Variants in PLEKHM3 observed in about 807,000 individuals in gnomAD.
PLEKHM3 encodes pleckstrin homology domain-containing family M member 3.
A neutral mutation model predicts 81.8 loss-of-function variants in PLEKHM3; 45 were observed. The observed-to-expected ratio is 0.55, with a 90% CI of 0.43 to 0.71. PLEKHM3 has a LOEUF of 0.71. PLEKHM3 is among the 30% of genes least tolerant of loss of function. PLEKHM3 has a pLI of 0.00. For synonymous variants in PLEKHM3, 352 were observed against 356.4 expected, an observed-to-expected ratio of 0.99 and a Z score of 0.14; for missense variants, 788 against 924.3, an observed-to-expected ratio of 0.85 and a Z score of 1.91.
chr2:207,831,684 C>T (rs747807837), intron 7 of PLEKHM3, among the ~76,000 whole-genome samples: 6 of 152,190 alleles, frequency 3.9e-5, no homozygotes, highest in Admixed American at 2.0e-4. Context: ...TTGACACAGG[C>T]GCTATCCTGG....
chr2:207,985,802 C>G (rs1691696254), intron 2 of PLEKHM3, among the ~76,000 whole-genome samples: 1 of 151,920 alleles, frequency 6.6e-6, no homozygotes, highest in African/African-American at 2.4e-5. Flanking sequence ...CTGGCTAACA[C>G]AGTGAAACCC....
rs1183870238 is a variant in PLEKHM3 at position 207,843,320 on chromosome 2, C to A, written c.2109-14824G>T. Among the ~76,000 whole-genome samples the A allele has an allele frequency of 6.6e-6, 1 of 152,128 alleles. No homozygotes were observed. Among genetic ancestry groups the A allele is most frequent in the Non-Finnish European group, 1.5e-5 (1 of 68,020 alleles). ...GCCTGAGCCACCTCCCCAGACCCCT[C>A]TCTGAGAAAAAGTGAGGTAACAAAC... On this transcript the variant is annotated intron_variant, in intron 7 of 7. Coordinates refer to ENST00000427836, the MANE Select transcript of PLEKHM3 (RefSeq NM_001080475.3). The surrounding 1 kb of genome is among the most constrained non-coding windows in gnomAD (Gnocchi z 4.4).
chr2:207,942,855 G>A (rs1176729880), intron 4 of PLEKHM3, among the ~76,000 whole-genome samples: 1 of 152,108 alleles, frequency 6.6e-6, no homozygotes, highest in Non-Finnish European at 1.5e-5. Flanking sequence ...AGCCGAGATT[G>A]CACCACTGAA....
intron 7 of PLEKHM3, among the ~76,000 whole-genome samples, chr2:207,839,412 C>G (rs887875517): frequency 6.6e-6 from 1 of 152,120 alleles, no homozygotes. Flanking sequence ...GAATAAGTTA[C>G]TGGTTATTGA....
At chr2:207,902,472 T>C (rs1199813104) in intron 6 of PLEKHM3, among the ~76,000 whole-genome samples, 1 of 152,196 alleles carries the variant, frequency 6.6e-6, no homozygotes, top group Non-Finnish European at 1.5e-5. Context: ...ATTACTTCTT[T>C]AGGGGCCAAT....
At chr2:208,017,631 C>G (rs1692967231) in intron 1 of PLEKHM3, among the ~76,000 whole-genome samples, 1 of 152,158 alleles carries the variant, frequency 6.6e-6, no homozygotes, top group African/African-American at 2.4e-5. Flanking sequence ...CCCTTCCTCT[C>G]TTTTTTCTTG....
intron 1 of PLEKHM3, among the ~76,000 whole-genome samples, chr2:208,016,940 C>A (rs908837816): frequency 1.2e-4 from 19 of 152,152 alleles, no homozygotes; most frequent in Non-Finnish European, 2.4e-4. Context: ...ATGCTCAAGT[C>A]CCTCATATAA....
At chr2:208,013,461 A>G (rs569734765) in intron 1 of PLEKHM3, among the ~76,000 whole-genome samples, 1 of 151,838 alleles carries the variant, frequency 6.6e-6, no homozygotes, top group African/African-American at 2.4e-5. Context: ...GGTTGTGGTG[A>G]GCCGAGATCA....
chr2:208,012,517 C>A (rs1445273173), intron 1 of PLEKHM3, among the ~76,000 whole-genome samples: 1 of 152,198 alleles, frequency 6.6e-6, no homozygotes, highest in Non-Finnish European at 1.5e-5. Context: ...CATACAGGGG[C>A]CCTGATGTTA....
intron 6 of PLEKHM3, among the ~76,000 whole-genome samples, chr2:207,869,183 A>T (rs2092518975): frequency 6.6e-6 from 1 of 152,200 alleles, no homozygotes; most frequent in Non-Finnish European, 1.5e-5. Context: ...CTTTAGCATT[A>T]GAAGGCTGGT....
intron 4 of PLEKHM3, among the ~76,000 whole-genome samples, chr2:207,936,307 A>G (rs899339722): frequency 1.3e-5 from 2 of 152,106 alleles, no homozygotes; most frequent in Non-Finnish European, 2.9e-5. Context: ...TTCTCCTTTC[A>G]CTGGAATAAG....
intron 1 of PLEKHM3, among the ~76,000 whole-genome samples, chr2:208,022,650 C>G (rs909757698): frequency 1.3e-5 from 2 of 152,164 alleles, no homozygotes; most frequent in Non-Finnish European, 2.9e-5. Context: ...TCTCCACCTT[C>G]GAAGCCGCAA....
chr2:207,881,700 C>A (rs1382689793), intron 6 of PLEKHM3, among the ~76,000 whole-genome samples: 2 of 152,224 alleles, frequency 1.3e-5, no homozygotes, highest in Non-Finnish European at 2.9e-5. Context: ...TGACAGCCTG[C>A]GGTATGGTTG....
chr2:207,905,791 G>A (rs1295308000), intron 6 of PLEKHM3, among the ~76,000 whole-genome samples: 2 of 152,200 alleles, frequency 1.3e-5, no homozygotes, highest in African/African-American at 4.8e-5. Context: ...TGTTTGATAA[G>A]CTGTTGATTG....
intron 2 of PLEKHM3, among the ~76,000 whole-genome samples, chr2:207,981,319 A>C (rs1158125071): frequency 6.6e-6 from 1 of 152,026 alleles, no homozygotes; most frequent in Non-Finnish European, 1.5e-5. Context: ...TCTCTCTTTA[A>C]TCTCTAACAA....
At chr2:207,882,086 C>G (rs2092594478) in intron 6 of PLEKHM3, among the ~76,000 whole-genome samples, 1 of 152,210 alleles carries the variant, frequency 6.6e-6, no homozygotes, top group Non-Finnish European at 1.5e-5. Context: ...ACTCAAACCC[C>G]TTTAAAGAGA....
Position 207,976,853 on chromosome 2 carries a change from C to A in PLEKHM3, c.1344G>T (p.Met448Ile). 1 of 1,614,214 alleles carries A rather than the reference C, an allele frequency of 6.2e-7. No homozygotes were observed. Among genetic ancestry groups the A allele is most frequent in the South Asian group, 1.1e-5 (1 of 91,080 alleles). The change falls in exon 3 of 8, where the codon ATG (methionine) becomes ATT (isoleucine). Residue 448 changes from methionine to isoleucine, a missense_variant. Met to Ile is a conservative substitution (Grantham distance 10). Coordinates refer to ENST00000427836, the MANE Select transcript of PLEKHM3 (RefSeq NM_001080475.3). The surrounding 1 kb of genome is among the most constrained non-coding windows in gnomAD (Gnocchi z 4.1). ...CATTGGCAGCTATCTTCAGAGCCTC[C>A]ATCCATTCCTGAGCCCTCTGTCGGG... ...AETRQRAQEW[M>I]EALKIAANVA...
At chr2:208,012,399 G>A (rs974697964) in intron 1 of PLEKHM3, among the ~76,000 whole-genome samples, 2 of 152,192 alleles carry the variant, frequency 1.3e-5, no homozygotes, top group Admixed American at 6.5e-5. Context: ...TTCATTTATT[G>A]TCAATTGTAG....
chr2:207,866,425 G>A (rs931530235), intron 6 of PLEKHM3, among the ~76,000 whole-genome samples: 5 of 152,204 alleles, frequency 3.3e-5, no homozygotes, highest in Non-Finnish European at 7.3e-5. Context: ...CCAAAGTGCT[G>A]AGATGATAGG....
Sources: gnomAD v4.1 joint callset for allele counts (sites outside exome capture counted in the v4.1 genomes callset) on GRCh38, gnomAD v4.1.1 for gene constraint, Gnocchi (gnomAD v3.1) non-coding constraint, MANE v1.5 for transcripts, NCBI Gene and HGNC (gene_info 2026-07-23, HGNC 2026-07-21) for gene names.